Variants in CFAP70 observed in about 807,000 individuals in gnomAD.
CFAP70 encodes the protein cilia- and flagella-associated protein 70.
CFAP70 carries 81 observed loss-of-function variants against 137.6 expected under a neutral mutation model. The observed-to-expected ratio is 0.59, with a 90% CI of 0.49 to 0.71. The LOEUF is 0.71. Among genes scored for constraint, CFAP70 ranks in the 30% least tolerant of loss-of-function variants. CFAP70 has a pLI of 0.00. For missense variants in CFAP70, 976 were observed against 1,226.7 expected, an observed-to-expected ratio of 0.80 and a Z score of 3.05; for synonymous variants, 382 against 423.6, an observed-to-expected ratio of 0.90 and a Z score of 1.20.
intron 19 of CFAP70, among the ~76,000 whole-genome samples, chr10:73,281,026 A>G (rs922592932): frequency 3.3e-5 from 5 of 152,330 alleles, no homozygotes; most frequent in Admixed American, 6.5e-5. Flanking sequence ...ATTTTCCAAT[A>G]TAAGCATTTA....
In CFAP70 at chr10:73,296,989, A is replaced by G. The variant is rs141968077; in HGVS notation, c.1644+53T>C. 1.1e-3 allele frequency: 1,718 copies of G among 1,574,184 alleles called. 20 individuals carry two copies. In the African/African-American group the frequency reaches 0.02, roughly 19 times the overall value. ...AACAAAGGAAGGAATTATTCATAGA[A>G]GACTCTGATGCTCTACAGAGAAAAG... On this transcript the variant is annotated intron_variant, in intron 15 of 26. Coordinates refer to ENST00000310715, the Ensembl canonical transcript of CFAP70.
chr10:73,292,110 T>C, intron 16 of CFAP70, 96 bp from the exon 18 acceptor site: 2 of 1,442,948 alleles, frequency 1.4e-6, no homozygotes, highest in East Asian at 4.6e-5. Flanking sequence ...GTAAGTTCTA[T>C]GAAAGCACAG....
chr10:73,285,033 G>A (rs1053425078), intron 19 of CFAP70, among the ~76,000 whole-genome samples: 1 of 151,594 alleles, frequency 6.6e-6, no homozygotes, highest in Non-Finnish European at 1.5e-5. Context: ...TGTGATTTCA[G>A]CTGATAGAAT....
chr10:73,270,110 T>C (rs1046232197), intron 24 of CFAP70, among the ~76,000 whole-genome samples: 3 of 152,222 alleles, frequency 2.0e-5, no homozygotes, highest in African/African-American at 4.8e-5. Flanking sequence ...GATACATTTA[T>C]AGTTTTTTTT....
At chr10:73,355,921 G>A (rs551792363) in intron 1 of CFAP70, among the ~76,000 whole-genome samples, 25 of 152,290 alleles carry the variant, frequency 1.6e-4, no homozygotes, top group African/African-American at 5.3e-4. Flanking sequence ...TGCCAAAAAG[G>A]TTGGGGACTG....
At chr10:73,355,393 T>C (rs1374133353) in intron 1 of CFAP70, among the ~76,000 whole-genome samples, 1 of 152,210 alleles carries the variant, frequency 6.6e-6, no homozygotes, top group Non-Finnish European at 1.5e-5. Flanking sequence ...GATTTGTCAC[T>C]GTCTCCCATC....
intron 12 of CFAP70, among the ~76,000 whole-genome samples, chr10:73,309,495 T>TG (rs2049709793): frequency 6.6e-6 from 1 of 152,122 alleles, no homozygotes; most frequent in Admixed American, 6.5e-5. Context: ...TTTATAGAGA[T>TG]GGGGTCTCAC....
At chr10:73,287,206 A>G (rs2047791328) in intron 19 of CFAP70, among the ~76,000 whole-genome samples, 1 of 152,258 alleles carries the variant, frequency 6.6e-6, no homozygotes, top group African/African-American at 2.4e-5. Context: ...ACAGTAAACT[A>G]TAATAAAAGT....
intron 9 of CFAP70, among the ~76,000 whole-genome samples, chr10:73,316,592 G>A (rs12571116): frequency 0.11 from 15,898 of 147,800 alleles, 1,219 homozygotes; most frequent in East Asian, 0.31. Context: ...ATGTATACAC[G>A]CACAATTTTC....
chr10:73,273,539 T>A (rs902557244), intron 23 of CFAP70, among the ~76,000 whole-genome samples: 3 of 152,212 alleles, frequency 2.0e-5, no homozygotes, highest in African/African-American at 7.2e-5. Context: ...ATCTCCAACA[T>A]GAGATACATC....
At chr10:73,316,481 G>GATATATATATATATATATATATATAT (rs1253458738) in intron 9 of CFAP70, among the ~76,000 whole-genome samples, 2 of 106,534 alleles carry the variant, frequency 1.9e-5, no homozygotes, top group African/African-American at 7.1e-5. Context: ...TATATATATA[G>GATATATATATATATATATATATATAT]ATATAGATAT....
chr10:73,342,021 C>T (rs1438156798), intron 5 of CFAP70, among the ~76,000 whole-genome samples: 2 of 152,108 alleles, frequency 1.3e-5, no homozygotes, highest in Non-Finnish European at 2.9e-5. Context: ...GAGAGTTGTG[C>T]TTATACCTGT....
At chr10:73,271,186 G>T (rs940060638) in intron 24 of CFAP70, among the ~76,000 whole-genome samples, 1 of 152,024 alleles carries the variant, frequency 6.6e-6, no homozygotes, top group Non-Finnish European at 1.5e-5. Flanking sequence ...TACAATATCT[G>T]CCCTCAAAGG....
At chr10:73,335,494 T>C (rs146510765) in exon 7 of CFAP70, 3 of 1,612,198 alleles carry the variant, frequency 1.9e-6, no homozygotes, top group Admixed American at 3.3e-5. Context: ...CTTTTCTTTA[T>C]GCACTCTGCT....
At chr10:73,298,847 G>T in intron 14 of CFAP70, 60 bp downstream of exon 15, 5 of 1,441,900 alleles carry the variant, frequency 3.5e-6, no homozygotes, top group Non-Finnish European at 3.9e-6. Context: ...TGTGATGTGG[G>T]TATGTGGAGA....
upstream of CFAP70, among the ~76,000 whole-genome samples, chr10:73,360,963 T>C (rs1157155154): frequency 6.6e-6 from 1 of 152,072 alleles, no homozygotes; most frequent in African/African-American, 2.4e-5. Context: ...CATTCAACTT[T>C]AGGGTACCTG....
At chr10:73,301,801 G>T (rs968788436) in intron 12 of CFAP70, among the ~76,000 whole-genome samples, 6 of 152,076 alleles carry the variant, frequency 3.9e-5, no homozygotes, top group African/African-American at 1.4e-4. Context: ...GTAATATGAT[G>T]ATGTCACAAC....
intron 4 of CFAP70, among the ~76,000 whole-genome samples, chr10:73,347,800 G>C (rs1669936671): frequency 6.6e-6 from 1 of 152,178 alleles, no homozygotes; most frequent in African/African-American, 2.4e-5. Flanking sequence ...ATGCCCTAAA[G>C]TATATGAGGT....
intron 19 of CFAP70, among the ~76,000 whole-genome samples, chr10:73,290,044 C>CAAAAAAAAAAAAAAAAAAAAA (rs397847750): frequency 1.1e-4 from 8 of 72,202 alleles, no homozygotes; most frequent in Middle Eastern, 8.3e-3. Flanking sequence ...GACTCCATCT[C>CAAAAAAAAAAAAAAAAAAAAA]AAAAAAAAAA....
Sources: gnomAD v4.1 joint callset for allele counts (sites outside exome capture counted in the v4.1 genomes callset) on GRCh38, gnomAD v4.1.1 for gene constraint, MANE v1.5 for transcripts, NCBI Gene and HGNC (gene_info 2026-07-23, HGNC 2026-07-21) for gene names.